Variants in ULK4 observed in about 807,000 individuals in gnomAD.
The protein encoded by ULK4 is inactive serine/threonine-protein kinase ULK4.
Under a neutral mutation model 160.6 loss-of-function variants are expected in ULK4, and 133 were observed. That is an observed-to-expected ratio of 0.83 (90% CI 0.72 to 0.96). The LOEUF is 0.96. Ranked by LOEUF, ULK4 falls within the 40% of genes least tolerant of loss-of-function variation. The probability of loss-of-function intolerance (pLI) is 0.00; values close to 1 mark genes in which losing one functional copy is unlikely to be tolerated. For missense variants in ULK4, 1,580 were observed against 1,499.5 expected (o/e 1.05, Z -0.89); for synonymous variants, 534 against 539.8 (o/e 0.99, Z 0.15).
intron 2 of ULK4, among the ~76,000 whole-genome samples, chr3:41,945,742 A>G (rs966269654): frequency 6.6e-6 from 1 of 152,196 alleles, no homozygotes. Context: ...GCAGACTCAA[A>G]GACCCAGTGT....
At chr3:41,481,931 C>T (rs1480300793) in intron 32 of ULK4, among the ~76,000 whole-genome samples, 1 of 151,840 alleles carries the variant, frequency 6.6e-6, no homozygotes, top group Non-Finnish European at 1.5e-5. Flanking sequence ...TATCACAAAC[C>T]CTTGTAGTAG....
intron 17 of ULK4, among the ~76,000 whole-genome samples, chr3:41,850,656 G>GTTGT (rs138651383): frequency 0.91 from 136,069 of 149,144 alleles, 61,613 homozygotes; most frequent in East Asian, 0.99. Context: ...TTTTGATGGG[G>GTTGT]TTGTTTTTTT....
intron 31 of ULK4, among the ~76,000 whole-genome samples, chr3:41,587,409 G>A (rs1420079792): frequency 6.6e-6 from 1 of 152,142 alleles, no homozygotes; most frequent in Admixed American, 6.5e-5. Context: ...AATTAAGTCT[G>A]CAAACTCCCT....
At chr3:41,916,252 A>G (rs143497675) in intron 7 of ULK4, among the ~76,000 whole-genome samples, 200 bp from the exon 8 acceptor site, 12 of 152,328 alleles carry the variant, frequency 7.9e-5, no homozygotes, top group African/African-American at 2.6e-4. Context: ...CAAAGATTAA[A>G]AACATTTTTT....
At position 41,603,898 on chromosome 3, in the gene ULK4, C is replaced by T. The variant is rs959051906; in HGVS notation, c.3120+11771G>A. 9.2e-5 allele frequency among the ~76,000 whole-genome samples: 14 copies of T among 152,156 alleles called. No individual in the cohort carries two copies. The East Asian group carries it at 2.7e-3, about 29-fold the overall frequency. On this transcript the variant is annotated intron_variant, in intron 31 of 36. Coordinates refer to ENST00000301831, the MANE Select transcript of ULK4 (RefSeq NM_017886.4). ...TAATATGTGCCTGTTAAATCCAGCACTACATTAAAAATAATACTTCCCTAT... is the reference window on the plus strand; with the variant it reads ...TAATATGTGCCTGTTAAATCCAGCATTACATTAAAAATAATACTTCCCTAT...
At position 41,883,764 on chromosome 3, in the gene ULK4, C is replaced by A. The variant is rs923702045; in HGVS notation, c.1656+110G>T. On this transcript the variant is annotated intron_variant, in intron 17 of 36. Transcript: ENST00000301831. ...ACAGTTTTAGAACGATTGCCACAATCCCACAGAGAAAAAACAAGTGAAGGT... is the reference window on the plus strand; with the variant it reads ...ACAGTTTTAGAACGATTGCCACAATACCACAGAGAAAAAACAAGTGAAGGT... 3.5e-6 allele frequency: 3 copies of A among 861,988 alleles called. No homozygotes were observed. The Admixed American group carries it at 6.1e-5, about 18-fold the overall frequency. 53.4% of individuals were successfully genotyped at this position (861,988 alleles called of 1,614,324 possible). A position where few individuals can be genotyped will look rare whatever the true frequency, so the allele number is the denominator to read the frequency against.
chr3:41,764,912 T>G (rs925200978), intron 21 of ULK4, among the ~76,000 whole-genome samples: 7 of 152,204 alleles, frequency 4.6e-5, no homozygotes, highest in African/African-American at 1.7e-4. Context: ...ATTGTGCAGG[T>G]GCTGGAGAGG....
At chr3:41,943,786 T>C (rs949437186) in intron 2 of ULK4, among the ~76,000 whole-genome samples, 2 of 152,160 alleles carry the variant, frequency 1.3e-5, no homozygotes, top group African/African-American at 4.8e-5. Flanking sequence ...TCCCCTTGTA[T>C]ACATGATCCC....
chr3:41,834,004 A>G (rs745524781), intron 18 of ULK4, among the ~76,000 whole-genome samples: 3 of 151,928 alleles, frequency 2.0e-5, no homozygotes, highest in Admixed American at 2.0e-4. Context: ...GCTCATATAT[A>G]CAAAATTAAC....
intron 30 of ULK4, among the ~76,000 whole-genome samples, chr3:41,642,203 T>A (rs1421165917): frequency 6.6e-6 from 1 of 152,144 alleles, no homozygotes; most frequent in Non-Finnish European, 1.5e-5. Context: ...TCTTTTTTTT[T>A]AATACTTTAA....
At chr3:41,910,053 C>T (rs1698724003) in intron 11 of ULK4, among the ~76,000 whole-genome samples, 1 of 152,078 alleles carries the variant, frequency 6.6e-6, no homozygotes, top group South Asian at 2.1e-4. Context: ...CCCACCAGCA[C>T]GTCCAGCTAA....
chr3:41,712,889 T>A (rs2037149575), intron 25 of ULK4, among the ~76,000 whole-genome samples: 2 of 151,064 alleles, frequency 1.3e-5, no homozygotes, highest in South Asian at 2.1e-4. Context: ...AGACCCTGTC[T>A]CGAAAAAAGA....
chr3:41,261,471 G>A (rs946395115), intron 35 of ULK4, among the ~76,000 whole-genome samples: 15 of 152,110 alleles, frequency 9.9e-5, no homozygotes, highest in African/African-American at 2.9e-4. Flanking sequence ...TTGAGACCAC[G>A]GCATCTTCAC....
intron 4 of ULK4, among the ~76,000 whole-genome samples, chr3:41,935,209 A>ATTTATTTTTTTTTTT (rs1559660879): frequency 1.3e-4 from 18 of 135,514 alleles, no homozygotes; most frequent in African/African-American, 2.9e-4. Flanking sequence ...TTATTTATTT[A>ATTTATTTTTTTTTTT]TTTTTTTTTT....
At chr3:41,738,084 G>T (rs2038116797) in intron 22 of ULK4, among the ~76,000 whole-genome samples, 1 of 151,900 alleles carries the variant, frequency 6.6e-6, no homozygotes, top group Admixed American at 6.6e-5. Flanking sequence ...ATGTAGGGGT[G>T]ATAATATCTA....
intron 31 of ULK4, among the ~76,000 whole-genome samples, chr3:41,600,312 G>A (rs747209466): frequency 6.6e-6 from 1 of 152,200 alleles, no homozygotes; most frequent in African/African-American, 2.4e-5. Flanking sequence ...TATGAAGTCA[G>A]TAATCTACTG....
intron 34 of ULK4, among the ~76,000 whole-genome samples, chr3:41,412,535 C>T (rs1380182831): frequency 2.2e-5 from 3 of 139,246 alleles, no homozygotes; most frequent in African/African-American, 5.4e-5. Context: ...TGATAAAGGT[C>T]AATGGCAATG....
At chr3:41,267,777 T>C (rs1181944074) in intron 35 of ULK4, among the ~76,000 whole-genome samples, 1 of 152,182 alleles carries the variant, frequency 6.6e-6, no homozygotes, top group Non-Finnish European at 1.5e-5. Context: ...TACTCTCGTT[T>C]ACAGATGAGG....
At chr3:41,621,538 T>C (rs1175292837) in intron 30 of ULK4, among the ~76,000 whole-genome samples, 1 of 152,174 alleles carries the variant, frequency 6.6e-6, no homozygotes, top group African/African-American at 2.4e-5. Flanking sequence ...TAATAAATGG[T>C]GCTTGGAAAA....
Sources: allele counts gnomAD v4.1 joint callset (sites outside exome capture counted in the v4.1 genomes callset), GRCh38; gene constraint gnomAD v4.1.1; transcripts MANE v1.5; gene names NCBI Gene and HGNC (gene_info 2026-07-23, HGNC 2026-07-21).